The following MYL3 variants were observed in gnomAD, a reference collection of about 807,000 sequenced individuals.
MYL3 encodes myosin light chain 3.
In MYL3, 11 loss-of-function variants were observed where a neutral mutation model predicts 21.3. The ratio of observed to expected loss-of-function variants is 0.52; its 90% confidence interval spans 0.32 to 0.85. The LOEUF is 0.85. MYL3 is among the 40% of genes least tolerant of loss of function. The pLI is 0.03. For missense variants in MYL3, 206 were observed against 253.3 expected (o/e 0.81, Z 1.27); for synonymous variants, 88 against 91.6 (o/e 0.96, Z 0.22).
At chr3:46,871,867 C>T (rs2029939829) in intron 1 of MYL3, among the ~76,000 whole-genome samples, 1 of 152,186 alleles carries the variant, frequency 6.6e-6, no homozygotes, top group African/African-American at 2.4e-5. Context: ...AGAAACTGTT[C>T]TGGGAGGACA....
At chr3:46,872,840 G>A (rs921252274) in intron 1 of MYL3, among the ~76,000 whole-genome samples, 5 of 152,244 alleles carry the variant, frequency 3.3e-5, no homozygotes, top group African/African-American at 4.8e-5. Context: ...GGAGGAAAAC[G>A]TTCCGACAAT....
At chr3:46,872,366 C>A (rs1360766834) in intron 1 of MYL3, among the ~76,000 whole-genome samples, 1 of 152,170 alleles carries the variant, frequency 6.6e-6, no homozygotes, top group Non-Finnish European at 1.5e-5. Context: ...GCCCTGCCTT[C>A]GGGAGTCCTG....
At chr3:46,873,933 G>A (rs1274340528) in intron 1 of MYL3, among the ~76,000 whole-genome samples, 1 of 152,136 alleles carries the variant, frequency 6.6e-6, no homozygotes, top group Non-Finnish European at 1.5e-5. Context: ...GCTTCAGGGA[G>A]GCATCTGAGT....
intron 4 of MYL3, 103 bp from the exon 5 acceptor site, chr3:46,858,564 T>G: frequency 1.9e-6 from 2 of 1,078,342 alleles, no homozygotes; most frequent in Non-Finnish European, 2.8e-6. Flanking sequence ...CTCTCCAGTA[T>G]TCCCACAACC....
In MYL3 at chr3:46,863,154, G is replaced by T. The variant is rs372396860; in HGVS notation, c.129+108C>A. The T allele has an allele frequency of 3.9e-6, 6 of 1,529,100 alleles. No individual in the cohort carries two copies. In the African/African-American group the frequency reaches 4.1e-5, roughly 11 times the overall value. 94.7% of individuals were successfully genotyped at this position (1,529,100 alleles called of 1,614,324 possible). ...TGACCTCTGCACAGAAGCTTCCAGC[G>T]TCAGCTCAGTGCTCACCTCCAGAGC... is the stretch of plus-strand genomic sequence containing the variant. On this transcript the variant is annotated intron_variant, in intron 1 of 6. Coordinates refer to ENST00000292327, the MANE Select transcript of MYL3 (RefSeq NM_000258.3).
intron 1 of MYL3, among the ~76,000 whole-genome samples, chr3:46,873,376 A>C (rs1668081064): frequency 6.6e-6 from 1 of 152,224 alleles, no homozygotes; most frequent in South Asian, 2.1e-4. Context: ...GCTGAGCCCA[A>C]CACACAGTAA....
chr3:46,863,973 T>C (rs1471895654), upstream of MYL3, among the ~76,000 whole-genome samples: 1 of 151,434 alleles, frequency 6.6e-6, no homozygotes, highest in African/African-American at 2.4e-5. Flanking sequence ...TGTGTCGGGG[T>C]GTCTATGTGT....
Position 46,860,643 on chromosome 3 carries a change from A to G in MYL3, c.307+33T>C. The G allele has an allele frequency of 1.2e-6, 2 of 1,610,764 alleles. No homozygotes were observed. The highest frequency in any genetic ancestry group is 1.7e-6 in the Non-Finnish European group (2 of 1,179,924). On this transcript the variant is annotated intron_variant, in intron 3 of 6. Coordinates refer to ENST00000292327, the MANE Select transcript of MYL3 (RefSeq NM_000258.3). This position sits in a 1 kb window ranked among gnomAD's most constrained non-coding sequence, Gnocchi z 4.6. ...CCACCCAGCCAGTCTCCCCGGTACT[A>G]ACACTATGGGGGCTCTCGGGCAGGT...
rs1452893394 is a variant in MYL3, at chr3:46,874,581, G to T, written c.-218+7493C>A. Among the ~76,000 whole-genome samples the T allele has an allele frequency of 6.6e-6, 1 of 152,160 alleles. No individual in the cohort carries two copies. Among genetic ancestry groups the T allele is most frequent in the Non-Finnish European group, 1.5e-5 (1 of 68,030 alleles). On this transcript the variant is annotated intron_variant, in intron 1 of 3. Coordinates refer to the MYL3 transcript ENST00000431168. This position sits in a 1 kb window ranked among gnomAD's most constrained non-coding sequence, Gnocchi z 4.1. ...CAGCCGGCCTCTGGAACGCGTGCCC[G>T]GGACCTCGGTGATATTTTGAGTTTA...
At chr3:46,870,261 G>A (rs999159054) in intron 1 of MYL3, among the ~76,000 whole-genome samples, 2 of 152,056 alleles carry the variant, frequency 1.3e-5, no homozygotes, top group Admixed American at 1.3e-4. Flanking sequence ...GACAAGAAGT[G>A]GGCACCAGAC....
Position 46,874,320 on chromosome 3 carries a change from C to T in MYL3, c.-217-7720G>A, listed in dbSNP as rs2030070790. On this transcript the variant is annotated intron_variant, in intron 1 of 3. Coordinates refer to the MYL3 transcript ENST00000431168. This position sits in a 1 kb window ranked among gnomAD's most constrained non-coding sequence, Gnocchi z 4.1. ...CTCATTGCCTTGCCCCAGCCAGTGT[C>T]CCCTGAGGCATTTAGAGTGAGAGGA... Among the ~76,000 whole-genome samples the T allele has an allele frequency of 6.6e-6, 1 of 152,188 alleles. No individual in the cohort carries two copies. The highest frequency in any genetic ancestry group is 1.5e-5 in the Non-Finnish European group (1 of 68,038).
At chr3:46,869,336 A>G (rs560033701) in intron 1 of MYL3, among the ~76,000 whole-genome samples, 166 of 152,274 alleles carry the variant, frequency 1.1e-3, no homozygotes, top group African/African-American at 3.9e-3. Flanking sequence ...CAGAAGCCCC[A>G]CCTAGACGGG....
At chr3:46,877,532 C>T (rs568622442) in intron 1 of MYL3, among the ~76,000 whole-genome samples, 1 of 152,278 alleles carries the variant, frequency 6.6e-6, no homozygotes, top group Admixed American at 6.5e-5. Context: ...GCAGGCAGAC[C>T]CATGGGTGCT....
chr3:46,865,128 C>A (rs1702035599), upstream of MYL3, among the ~76,000 whole-genome samples: 1 of 152,194 alleles, frequency 6.6e-6, no homozygotes, highest in African/African-American at 2.4e-5. This position sits in a 1 kb window ranked among gnomAD's most constrained non-coding sequence, Gnocchi z 4.3. Flanking sequence ...CTACTGGGCC[C>A]AGTCCCTCTC....
At chr3:46,862,070 C>T (rs1350216124) in intron 1 of MYL3, among the ~76,000 whole-genome samples, 1 of 152,164 alleles carries the variant, frequency 6.6e-6, no homozygotes, top group Non-Finnish European at 1.5e-5. Context: ...TGCCCTTTAC[C>T]TGCAACCTGG....
At chr3:46,858,607 A>G (rs1701958573) in intron 4 of MYL3, 146 bp from the exon 5 acceptor site, 1 of 790,388 alleles carries the variant, frequency 1.3e-6, no homozygotes, top group African/African-American at 1.7e-5. Flanking sequence ...CCATCACCCC[A>G]TTTCTGAGGC....
At chr3:46,875,661 C>T (rs539451767) in intron 1 of MYL3, among the ~76,000 whole-genome samples, 6 of 152,356 alleles carry the variant, frequency 3.9e-5, no homozygotes, top group East Asian at 1.9e-4. Flanking sequence ...ACTGTTACGA[C>T]GCTGCAAATA....
upstream of MYL3, chr3:46,863,495 C>G: frequency 1.6e-6 from 2 of 1,249,082 alleles, no homozygotes; most frequent in Non-Finnish European, 2.3e-6. Context: ...CCTCATGACC[C>G]CAGCCCCACC....
chr3:46,880,549 G>A (rs545618374), intron 1 of MYL3, among the ~76,000 whole-genome samples: 1 of 152,226 alleles, frequency 6.6e-6, no homozygotes, highest in South Asian at 2.1e-4. Flanking sequence ...TGACCAGCCT[G>A]GTCAACATGG....
Sources: gnomAD v4.1 joint callset for allele counts (sites outside exome capture counted in the v4.1 genomes callset) on GRCh38, gnomAD v4.1.1 for gene constraint, Gnocchi (gnomAD v3.1) non-coding constraint, MANE v1.5 for transcripts, NCBI Gene and HGNC (gene_info 2026-07-23, HGNC 2026-07-21) for gene names.